CANX: variants seen among roughly 807,000 people sequenced by gnomAD.
The protein encoded by CANX is epididymis secretory sperm binding protein.
Under a neutral mutation model 75.7 loss-of-function variants are expected in CANX, and 14 were observed. The ratio of observed to expected loss-of-function variants is 0.19; its 90% CI spans 0.12 to 0.29. The LOEUF (loss-of-function observed/expected upper bound fraction) is 0.29. Ranked by LOEUF, CANX falls within the 10% of genes least tolerant of loss-of-function variation. The pLI is 1.00. For missense variants in CANX, 567 were observed against 713.2 expected (o/e 0.79, Z 2.34); for synonymous variants, 227 against 236.9 (o/e 0.96, Z 0.38).
At chr5:179,705,933 A>T in intron 2 of CANX, 81 bp downstream of exon 2, 1 of 1,160,526 alleles carries the variant, frequency 8.6e-7, no homozygotes, top group Non-Finnish European at 1.3e-6. Context: ...AGGGAAATGT[A>T]GTCTCAACTA....
chr5:179,680,844 T>C (rs1301997879), intron 1 of CANX: 2 of 1,524,126 alleles, frequency 1.3e-6, no homozygotes, highest in South Asian at 1.2e-5. Flanking sequence ...CCCTCACATA[T>C]AGGTGGACAG....
At chr5:179,691,776 A>T (rs1776302411) in intron 1 of CANX, among the ~76,000 whole-genome samples, 1 of 151,762 alleles carries the variant, frequency 6.6e-6, no homozygotes. Flanking sequence ...TATTTTATTT[A>T]ATTAATTTAT....
chr5:179,722,863 C>A lies in CANX; in HGVS notation c.1242C>A (p.Phe414Leu). Residue 414 changes from phenylalanine to leucine, a missense_variant, in exon 11 of 15, where the codon TTC (phenylalanine) becomes TTA (leucine). This residue lies in a region of CANX where 49 missense variants were observed against 100.1 expected (regional missense o/e 0.49). Transcript: ENST00000247461. ...NPDFFEDLEPFRMTPFSAIGL... is the reference protein window; with the variant it reads ...NPDFFEDLEPLRMTPFSAIGL... The stretch of plus-strand genomic sequence containing the variant: ...ATTTCTTTGAAGATCTGGAACCTTT[C>A]AGAATGACTCCTTTTAGTGCTATTG... The A allele has an allele frequency of 6.2e-7, 1 of 1,613,884 alleles. No homozygotes were observed. Among genetic ancestry groups the A allele is most frequent in the Non-Finnish European group, 8.5e-7 (1 of 1,179,810 alleles).
chr5:179,683,405 T>A (rs1021330943), intron 1 of CANX, among the ~76,000 whole-genome samples: 1 of 152,094 alleles, frequency 6.6e-6, no homozygotes, highest in African/African-American at 2.4e-5. Context: ...AGTGCTGGGA[T>A]TACAGGTGTG....
At chr5:179,679,032 G>A in intron 1 of CANX, 1 of 1,534,624 alleles carries the variant, frequency 6.5e-7, no homozygotes, top group Non-Finnish European at 8.7e-7. Flanking sequence ...CGGCGCAGTG[G>A]CGGCCGCCGT....
At position 179,705,742 on chromosome 5, in the gene CANX, C is replaced by A; in HGVS notation, c.61C>A (p.His21Asn). The change falls in exon 2 of 15, where the codon CAT (histidine) becomes AAT (asparagine). Residue 21 changes from histidine to asparagine, a missense_variant. By Grantham distance (68) the His-to-Asn change is moderately conservative. Around this residue, in one of 3 missense-constraint regions of CANX, gnomAD observed 351 missense variants for 433.8 expected, o/e 0.81. Coordinates refer to ENST00000247461, the MANE Select transcript of CANX (RefSeq NM_001746.4). ...LVLGTAIVEA[H>N]DGHDDDVIDI... ...GCTTGGAACTGCTATTGTTGAGGCT[C>A]ATGATGGACATGATGATGATGTGAT... 6.2e-7 allele frequency: 1 copy of A among 1,608,860 alleles called. No homozygotes were observed. Among genetic ancestry groups the A allele is most frequent in the South Asian group, 1.1e-5 (1 of 90,976 alleles).
upstream of CANX, chr5:179,698,731 C>G: frequency 1.4e-6 from 1 of 702,324 alleles, no homozygotes; most frequent in South Asian, 1.6e-5. Context: ...CGTGGCCCGC[C>G]CCTCACCTCC....
upstream of CANX, chr5:179,694,842 A>C: frequency 2.3e-6 from 1 of 430,758 alleles, no homozygotes; most frequent in East Asian, 4.5e-5. Flanking sequence ...CTGTGTGCCC[A>C]CTTTCTCCTT....
At chr5:179,718,180 TTTTG>T (rs1050578638) in intron 8 of CANX, among the ~76,000 whole-genome samples, 8 of 151,900 alleles carry the variant, frequency 5.3e-5, no homozygotes, top group African/African-American at 1.9e-4. Flanking sequence ...TTTATGGGTT[TTTTG>T]TTTGTTTGTT....
At chr5:179,725,976 G>C (rs533555097) in intron 13 of CANX, among the ~76,000 whole-genome samples, 35 of 136,038 alleles carry the variant, frequency 2.6e-4, no homozygotes, top group Non-Finnish European at 4.7e-4. Context: ...GACAGAGCGA[G>C]ACTGAGTCTC....
chr5:179,717,269 A>T (rs1486579967), intron 8 of CANX, among the ~76,000 whole-genome samples: 2 of 152,178 alleles, frequency 1.3e-5, no homozygotes, highest in Admixed American at 1.3e-4. Flanking sequence ...TTACTTGTAT[A>T]TTTGGTGTAT....
intron 1 of CANX, chr5:179,678,935 C>G (rs1365516933): frequency 2.0e-6 from 3 of 1,535,260 alleles, no homozygotes; most frequent in Non-Finnish European, 2.6e-6. Flanking sequence ...GTTGCTGAGG[C>G]GCATGCACGG....
intron 1 of CANX, among the ~76,000 whole-genome samples, chr5:179,689,974 C>T (rs1179684716): frequency 3.9e-5 from 6 of 152,078 alleles, no homozygotes; most frequent in African/African-American, 9.7e-5. Context: ...GGTGTGCTAC[C>T]GGGTCCCAAC....
intron 7 of CANX, among the ~76,000 whole-genome samples, chr5:179,714,402 AAAG>A (rs1392833982): frequency 1.3e-5 from 2 of 152,274 alleles, no homozygotes; most frequent in African/African-American, 2.4e-5. Context: ...AAACATACAC[AAAG>A]AAGTCACTTA....
chr5:179,696,304 C>G (rs1303431888), upstream of CANX, among the ~76,000 whole-genome samples: 1 of 105,664 alleles, frequency 9.5e-6, no homozygotes, highest in Non-Finnish European at 1.7e-5. Context: ...GAGACAGAGT[C>G]TGGCTCTGTC....
intron 8 of CANX, among the ~76,000 whole-genome samples, chr5:179,716,931 T>C (rs939639655): frequency 6.6e-6 from 1 of 152,198 alleles, no homozygotes; most frequent in African/African-American, 2.4e-5. Context: ...GGGGTGTTTC[T>C]GATTGAAGAA....
rs566778371 is a variant in CANX, at chr5:179,705,673, G to A, written c.-3-6G>A. The A allele has an allele frequency of 1.2e-6, 2 of 1,609,510 alleles. No individual in the cohort carries two copies. Among genetic ancestry groups the A allele is most frequent in the Non-Finnish European group, 1.7e-6 (2 of 1,176,856 alleles). On this transcript the variant is annotated splice_region_variant and splice_polypyrimidine_tract_variant and intron_variant, in intron 1 of 14. Transcript: ENST00000247461. Reference sequence around the variant, plus strand: ...ACATTTAACTGATTTTGCTCTTTATGTGTAGATCATGGAAGGGAAGTGGTT... The same window carrying A: ...ACATTTAACTGATTTTGCTCTTTATATGTAGATCATGGAAGGGAAGTGGTT...
chr5:179,727,433 A>G (rs1339753914), intron 14 of CANX, among the ~76,000 whole-genome samples: 2 of 152,248 alleles, frequency 1.3e-5, no homozygotes, highest in Non-Finnish European at 2.9e-5. Flanking sequence ...TGAAAGAGGT[A>G]GAGAACTTTT....
intron 1 of CANX, chr5:179,701,031 TTTG>T: frequency 6.6e-6 from 1 of 151,960 alleles, no homozygotes; most frequent in Non-Finnish European, 1.5e-5. Context: ...CCCGGCTAAT[TTTG>T]TTTTTGTATT....
Sources: gnomAD v4.1 joint callset for allele counts (sites outside exome capture counted in the v4.1 genomes callset) on GRCh38, gnomAD v4.1.1 for gene constraint, gnomAD v4.1.1 regional missense constraint, MANE v1.5 for transcripts, NCBI Gene and HGNC (gene_info 2026-07-23, HGNC 2026-07-21) for gene names.